Variants in TRPM5 observed in about 807,000 individuals in gnomAD.
The protein encoded by TRPM5 is MLSN1 and TRP-related.
In TRPM5, 121 loss-of-function variants were observed where a neutral mutation model predicts 124.9. The observed-to-expected ratio is 0.97, with a 90% CI of 0.84 to 1.13. The LOEUF (loss-of-function observed/expected upper bound fraction) is 1.13, where lower values mean the gene tolerates loss of function less well. TRPM5 is among the 50% of genes most tolerant of loss of function. TRPM5 has a pLI of 0.00. For synonymous variants in TRPM5, 781 were observed against 700.5 expected (o/e 1.11, Z -1.81); for missense variants, 1,643 against 1,589.1 (o/e 1.03, Z -0.58).
At chr11:2,425,121 C>T (rs1393665314), upstream of TRPM5, among the ~76,000 whole-genome samples, 2 of 152,100 alleles carry the variant, frequency 1.3e-5, no homozygotes, top group African/African-American at 2.4e-5. Context: ...GTGGCCAGGC[C>T]CCAGGTGGGG....
intron 18 of TRPM5, among the ~76,000 whole-genome samples, 197 bp from the exon 24 acceptor site, chr11:2,408,109 C>G (rs1850361449): frequency 6.6e-6 from 1 of 152,196 alleles, no homozygotes; most frequent in Admixed American, 6.5e-5. Context: ...AAACCAGAAC[C>G]AGACGGGTGG....
At chr11:2,444,059 G>T in the TRPM5 span, among the ~76,000 whole-genome samples, 10 of 152,102 alleles carry the variant, frequency 6.6e-5, no homozygotes, top group Non-Finnish European at 1.3e-4. Context: ...CGCCTGCTAT[G>T]CCCGGCAGTC....
At chr11:2,439,543 G>A in the TRPM5 span, among the ~76,000 whole-genome samples, 5 of 152,320 alleles carry the variant, frequency 3.3e-5, no homozygotes, top group East Asian at 9.6e-4. Flanking sequence ...CTCAAAGGAA[G>A]ACATCCATGC....
the TRPM5 span, among the ~76,000 whole-genome samples, chr11:2,438,666 TA>T: frequency 6.6e-6 from 1 of 151,438 alleles, no homozygotes; most frequent in African/African-American, 2.4e-5. This position sits in a 1 kb window ranked among gnomAD's most constrained non-coding sequence, Gnocchi z 5.9. Flanking sequence ...GACCCTGTCT[TA>T]AAAAAAAATT....
upstream of TRPM5, among the ~76,000 whole-genome samples, chr11:2,426,734 C>A (rs1351143187): frequency 3.3e-5 from 5 of 152,176 alleles, no homozygotes; most frequent in Non-Finnish European, 7.4e-5. Context: ...CCTCCCTGGG[C>A]CTGCCTCATT....
intron 12 of TRPM5, 54 bp downstream of exon 17, chr11:2,414,007 T>A: frequency 9.3e-7 from 1 of 1,072,596 alleles, no homozygotes. Flanking sequence ...TGGGCCCAGC[T>A]CGCCCGCCCA....
chr11:2,442,236 T>C, the TRPM5 span, among the ~76,000 whole-genome samples: 4 of 152,224 alleles, frequency 2.6e-5, no homozygotes, highest in African/African-American at 9.6e-5. The surrounding 1 kb of genome is among the most constrained non-coding windows in gnomAD (Gnocchi z 5.9). Flanking sequence ...ACCTTTTTCC[T>C]AAGATAAAAT....
rs779525512 is a variant in TRPM5, at chr11:2,411,551, G to A, written c.2608-25C>T. 1.7e-5 allele frequency: 27 copies of A among 1,607,662 alleles called. No individual in the cohort carries two copies. In the South Asian group the frequency reaches 2.2e-4, roughly 13 times the overall value. On this transcript the variant is annotated intron_variant, in intron 17 of 23. Transcript: ENST00000155858. Reference sequence around the variant, plus strand: ...TCTCCACGGGGCAGGGGCAGAGAGAGGGACGTCAGCGGCCAGCCGGGTGGG... The same window carrying A: ...TCTCCACGGGGCAGGGGCAGAGAGAAGGACGTCAGCGGCCAGCCGGGTGGG...
the TRPM5 span, among the ~76,000 whole-genome samples, chr11:2,430,654 TGACA>T: frequency 2.0e-5 from 3 of 151,634 alleles, no homozygotes; most frequent in Non-Finnish European, 4.4e-5. Flanking sequence ...GCAGTGATGG[TGACA>T]GTGTTGATGG....
chr11:2,442,422 G>C, the TRPM5 span, among the ~76,000 whole-genome samples: 2 of 139,028 alleles, frequency 1.4e-5, no homozygotes, highest in Admixed American at 7.1e-5. The surrounding 1 kb of genome is among the most constrained non-coding windows in gnomAD (Gnocchi z 5.9). Context: ...CACACACACA[G>C]AGTTCTTTGG....
At chr11:2,426,819 C>T (rs1845844253), upstream of TRPM5, among the ~76,000 whole-genome samples, 1 of 152,196 alleles carries the variant, frequency 6.6e-6, no homozygotes, top group African/African-American at 2.4e-5. Context: ...GGCTGGAAGT[C>T]AGCTGTGTGT....
exon 15 of TRPM5, chr11:2,412,998 A>G: frequency 2.5e-6 from 4 of 1,605,096 alleles, no homozygotes; most frequent in Non-Finnish European, 3.4e-6. Flanking sequence ...CGGCGCCTCC[A>G]CCAGCTCCTC....
chr11:2,420,932 TCGAGTC>T, intron 3 of TRPM5, 94 bp downstream of exon 8: 2 of 1,316,460 alleles, frequency 1.5e-6, no homozygotes, highest in Non-Finnish European at 2.0e-6. Flanking sequence ...TTCCTCCAGC[TCGAGTC>T]CTGTCCTCCC....
chr11:2,409,949 C>G (rs926813120), intron 18 of TRPM5, among the ~76,000 whole-genome samples: 1 of 152,160 alleles, frequency 6.6e-6, no homozygotes, highest in African/African-American at 2.4e-5. Flanking sequence ...TCATACGAGT[C>G]GCTGAGACTG....
At chr11:2,420,528 C>T (rs1402082192) in intron 3 of TRPM5, 123 bp from the exon 9 acceptor site, 26 of 1,010,960 alleles carry the variant, frequency 2.6e-5, no homozygotes, top group Middle Eastern at 3.3e-4. Flanking sequence ...GGCTTCTGCC[C>T]GAGCCTTGGT....
chr11:2,437,706 C>T, the TRPM5 span, among the ~76,000 whole-genome samples: 1 of 152,126 alleles, frequency 6.6e-6, no homozygotes, highest in Non-Finnish European at 1.5e-5. This position sits in a 1 kb window ranked among gnomAD's most constrained non-coding sequence, Gnocchi z 5.6. Flanking sequence ...CTGGGGCCGA[C>T]CCAGCCCCAC....
the TRPM5 span, among the ~76,000 whole-genome samples, chr11:2,444,310 T>C: frequency 6.6e-6 from 1 of 151,078 alleles, no homozygotes; most frequent in Non-Finnish European, 1.5e-5. Flanking sequence ...GACATCCCTT[T>C]CCTCCCCCCA....
At chr11:2,422,027 G>A in intron 2 of TRPM5, 114 bp downstream of exon 7, 1 of 1,117,896 alleles carries the variant, frequency 8.9e-7, no homozygotes. Context: ...GACAGTCAGG[G>A]GGTCTGGCTG....
At chr11:2,415,773 G>C in intron 8 of TRPM5, 133 bp downstream of exon 13, 1 of 705,464 alleles carries the variant, frequency 1.4e-6, no homozygotes, top group Non-Finnish European at 2.4e-6. Context: ...CCGTGGCCTG[G>C]TCTTGCCCCG....
Sources: allele counts gnomAD v4.1 joint callset (sites outside exome capture counted in the v4.1 genomes callset), GRCh38; gene constraint gnomAD v4.1.1; non-coding constraint Gnocchi (gnomAD v3.1); transcripts MANE v1.5; gene names NCBI Gene and HGNC (gene_info 2026-07-23, HGNC 2026-07-21).